The following NALF1 variants were observed in gnomAD, a reference collection of about 807,000 sequenced individuals.
The protein encoded by NALF1 is NALCN channel auxiliary factor 1.
A neutral mutation model predicts 48.4 loss-of-function variants in NALF1; 3 were observed. The observed-to-expected ratio is 0.06, with a 90% CI of 0.03 to 0.16. The LOEUF (loss-of-function observed/expected upper bound fraction) is 0.16. Ranked by LOEUF, NALF1 falls within the 10% of genes least tolerant of loss-of-function variation. The pLI is 1.00. For missense variants in NALF1, 526 were observed against 571.5 expected, an observed-to-expected ratio of 0.92 and a Z score of 0.81; for synonymous variants, 262 against 245.7, an observed-to-expected ratio of 1.07 and a Z score of -0.62.
At chr13:107,617,109 T>C (rs939138231) in intron 1 of NALF1, among the ~76,000 whole-genome samples, 3 of 152,184 alleles carry the variant, frequency 2.0e-5, no homozygotes, top group Non-Finnish European at 4.4e-5. Context: ...AATTTAATCA[T>C]CCAAATAAAA....
intron 1 of NALF1, among the ~76,000 whole-genome samples, chr13:107,461,628 A>G (rs554905912): frequency 6.6e-5 from 10 of 152,206 alleles, no homozygotes; most frequent in Non-Finnish European, 1.3e-4. Flanking sequence ...TCAAGTTTTC[A>G]AAACTTTTTT....
intron 1 of NALF1, among the ~76,000 whole-genome samples, chr13:107,697,018 A>G (rs748012860): frequency 5.3e-5 from 8 of 152,076 alleles, no homozygotes; most frequent in Admixed American, 6.6e-5. Flanking sequence ...CATATGGTCA[A>G]GTAGCTATTG....
At chr13:107,455,413 T>G (rs1017710752) in intron 1 of NALF1, among the ~76,000 whole-genome samples, 1 of 152,128 alleles carries the variant, frequency 6.6e-6, no homozygotes, top group Non-Finnish European at 1.5e-5. Context: ...CAAAATTGAG[T>G]GGAAAGCATA....
rs887872003 is a variant in NALF1, at chr13:107,822,434, C to CT, written c.915+43247dup. Among the ~76,000 whole-genome samples the CT allele has an allele frequency of 2.6e-5, 4 of 151,850 alleles. No homozygotes were observed. The East Asian group carries it at 7.7e-4, about 29-fold the overall frequency. The stretch of plus-strand genomic sequence containing the variant: ...TGTCAGCAGCAGCAGCACCTGAGAA[C>CT]TTTTTAGAAATGGAAATGTAAGACT... On this transcript the variant is annotated intron_variant, in intron 1 of 2. Transcript: ENST00000375915.
intron 1 of NALF1, among the ~76,000 whole-genome samples, chr13:107,580,957 C>G (rs898116895): frequency 2.6e-5 from 4 of 152,022 alleles, no homozygotes; most frequent in Admixed American, 2.6e-4. Context: ...CCAGTCTGAA[C>G]AGGAGCCAAG....
At chr13:107,251,341 G>C (rs1358749782) in intron 1 of NALF1, among the ~76,000 whole-genome samples, 1 of 152,222 alleles carries the variant, frequency 6.6e-6, no homozygotes, top group African/African-American at 2.4e-5. Flanking sequence ...ATTTCTGGCA[G>C]ATGAGACAAG....
chr13:107,818,284 T>C (rs547552147), intron 1 of NALF1, among the ~76,000 whole-genome samples: 1 of 152,116 alleles, frequency 6.6e-6, no homozygotes. Flanking sequence ...TTTTAAGGGA[T>C]TGGGGGACAT....
chr13:107,460,497 G>T (rs888888819), intron 1 of NALF1, among the ~76,000 whole-genome samples: 1 of 152,174 alleles, frequency 6.6e-6, no homozygotes, highest in Non-Finnish European at 1.5e-5. Flanking sequence ...TAAGCCTTTT[G>T]TTCTATAAAA....
At chr13:107,560,308 TA>T (rs1253887181) in intron 1 of NALF1, among the ~76,000 whole-genome samples, 1 of 152,038 alleles carries the variant, frequency 6.6e-6, no homozygotes, top group Non-Finnish European at 1.5e-5. Context: ...TGGATGGGAC[TA>T]GGGGGGAATG....
At chr13:107,567,344 T>C (rs114921425) in intron 1 of NALF1, among the ~76,000 whole-genome samples, 1,770 of 152,304 alleles carry the variant, frequency 0.012, 34 homozygotes, top group African/African-American at 0.04. Flanking sequence ...AATATTATAT[T>C]TAGCCTTTTT....
chr13:107,462,963 T>A (rs565811586), intron 1 of NALF1, among the ~76,000 whole-genome samples: 24 of 152,246 alleles, frequency 1.6e-4, no homozygotes, highest in African/African-American at 5.5e-4. Flanking sequence ...TTCTAGGAAA[T>A]CATGGAGCCT....
At chr13:107,457,066 A>T (rs557201412) in intron 1 of NALF1, among the ~76,000 whole-genome samples, 5 of 152,308 alleles carry the variant, frequency 3.3e-5, no homozygotes, top group African/African-American at 1.2e-4. Flanking sequence ...TGCAGAAAAA[A>T]ATTCTAAGGT....
At chr13:107,615,882 G>T (rs1379709399) in intron 1 of NALF1, among the ~76,000 whole-genome samples, 1 of 152,108 alleles carries the variant, frequency 6.6e-6, no homozygotes, top group African/African-American at 2.4e-5. Context: ...CATGGCATGA[G>T]TGTAAGTCTT....
chr13:107,306,938 A>G (rs1881948379), intron 1 of NALF1, among the ~76,000 whole-genome samples: 1 of 152,210 alleles, frequency 6.6e-6, no homozygotes, highest in South Asian at 2.1e-4. Flanking sequence ...AGCTGCAGTG[A>G]CAGAGTGAGA....
chr13:107,457,337 A>C (rs1177982430), intron 1 of NALF1, among the ~76,000 whole-genome samples: 2 of 152,184 alleles, frequency 1.3e-5, no homozygotes, highest in Middle Eastern at 3.2e-3. Context: ...GAAATCCAAA[A>C]TCCACAATGG....
chr13:107,508,517 G>A (rs1875772893), intron 1 of NALF1, among the ~76,000 whole-genome samples: 2 of 151,994 alleles, frequency 1.3e-5, no homozygotes, highest in African/African-American at 4.8e-5. Flanking sequence ...TCACTAACCA[G>A]GTGTGAATCT....
At chr13:107,433,072 T>C (rs1200588515) in intron 1 of NALF1, among the ~76,000 whole-genome samples, 1 of 152,170 alleles carries the variant, frequency 6.6e-6, no homozygotes, top group Non-Finnish European at 1.5e-5. Context: ...TGTCTGACCT[T>C]ATCCAGAAAT....
intron 1 of NALF1, among the ~76,000 whole-genome samples, chr13:107,540,049 T>TATACACACACACAC (rs1555307600): frequency 6.7e-6 from 1 of 149,416 alleles, no homozygotes; most frequent in South Asian, 2.1e-4. Context: ...GCTTCTGATG[T>TATACACACACACAC]ACACACACAC....
chr13:107,666,021 C>T (rs1265358946), intron 1 of NALF1, among the ~76,000 whole-genome samples: 1 of 152,026 alleles, frequency 6.6e-6, no homozygotes, highest in African/African-American at 2.4e-5. Context: ...CACAAAATGC[C>T]AAATTAGATC....
Sources: gnomAD v4.1 joint callset for allele counts (sites outside exome capture counted in the v4.1 genomes callset) on GRCh38, gnomAD v4.1.1 for gene constraint, MANE v1.5 for transcripts, NCBI Gene and HGNC (gene_info 2026-07-23, HGNC 2026-07-21) for gene names.